Variants in STIM2 observed in about 807,000 individuals in gnomAD.
The protein encoded by STIM2 is stromal interaction molecule 2.
Under a neutral mutation model 85.8 loss-of-function variants are expected in STIM2, and 31 were observed. The observed-to-expected ratio is 0.36, with a 90% CI of 0.27 to 0.49. The LOEUF (loss-of-function observed/expected upper bound fraction) is 0.49. Among genes scored for constraint, STIM2 ranks in the 20% least tolerant of loss-of-function variants. STIM2 has a pLI of 0.98. For synonymous variants in STIM2, 356 were observed against 331.1 expected, an observed-to-expected ratio of 1.08 and a Z score of -0.82; for missense variants, 841 against 927.6, an observed-to-expected ratio of 0.91 and a Z score of 1.21.
At chr4:26,961,029 T>A (rs1272806948) in intron 3 of STIM2, among the ~76,000 whole-genome samples, 2 of 148,238 alleles carry the variant, frequency 1.3e-5, no homozygotes, top group Non-Finnish European at 3.0e-5. Flanking sequence ...AAAAAAAAAA[T>A]ACTTGTACCG....
chr4:27,000,351 C>T (rs1035990415), intron 5 of STIM2, among the ~76,000 whole-genome samples: 12 of 152,156 alleles, frequency 7.9e-5, no homozygotes, highest in African/African-American at 2.9e-4. Flanking sequence ...GTGGAAATTA[C>T]AAACCCTAGG....
chr4:26,906,962 G>A (rs564138206), intron 1 of STIM2, among the ~76,000 whole-genome samples: 16 of 95,394 alleles, frequency 1.7e-4, no homozygotes, highest in Admixed American at 2.1e-4. Flanking sequence ...GTGAGACTCC[G>A]TCTCAAAAAA....
At chr4:26,931,818 T>C (rs1725215975) in intron 2 of STIM2, among the ~76,000 whole-genome samples, 1 of 152,216 alleles carries the variant, frequency 6.6e-6, no homozygotes, top group Admixed American at 6.5e-5. Context: ...AACGATACCA[T>C]AAAAATAGAG....
chr4:26,949,228 CTGAA>C (rs1725956575), intron 2 of STIM2, among the ~76,000 whole-genome samples: 1 of 152,016 alleles, frequency 6.6e-6, no homozygotes, highest in African/African-American at 2.4e-5. Flanking sequence ...GAGTTATTCT[CTGAA>C]TGCTGAGTGC....
At chr4:27,006,781 A>G (rs1022672114) in intron 7 of STIM2, among the ~76,000 whole-genome samples, 3 of 152,196 alleles carry the variant, frequency 2.0e-5, no homozygotes, top group African/African-American at 4.8e-5. Flanking sequence ...AAGACTATGC[A>G]TAGTTTCTCA....
chr4:26,892,218 T>A (rs1723518049), intron 1 of STIM2, among the ~76,000 whole-genome samples: 1 of 152,164 alleles, frequency 6.6e-6, no homozygotes, highest in African/African-American at 2.4e-5. Context: ...AACGAATACA[T>A]CAGGCTTTAA....
chr4:26,923,662 A>G (rs1413271211), intron 2 of STIM2, among the ~76,000 whole-genome samples: 1 of 99,774 alleles, frequency 1.0e-5, no homozygotes, highest in African/African-American at 3.9e-5. Flanking sequence ...ACAGGATCAA[A>G]TTCACACATA....
intron 1 of STIM2, chr4:26,861,787 G>GC (rs1722214168): frequency 6.6e-6 from 1 of 152,664 alleles, no homozygotes; most frequent in Non-Finnish European, 1.4e-5. Flanking sequence ...TTTTGCAAAG[G>GC]CAGCTGGCAG....
chr4:26,908,464 G>A (rs576963902), intron 1 of STIM2, among the ~76,000 whole-genome samples: 21 of 152,126 alleles, frequency 1.4e-4, no homozygotes, highest in Non-Finnish European at 2.5e-4. Context: ...ATCAAGTAAA[G>A]CACCCAGTCA....
At chr4:26,877,481 G>A (rs1164173631) in intron 1 of STIM2, among the ~76,000 whole-genome samples, 1 of 146,446 alleles carries the variant, frequency 6.8e-6, no homozygotes, top group Non-Finnish European at 1.5e-5. Flanking sequence ...TCTCTGTTTG[G>A]TTCTGTTGTT....
chr4:26,903,602 A>G (rs1181706963), intron 1 of STIM2, among the ~76,000 whole-genome samples: 1 of 152,204 alleles, frequency 6.6e-6, no homozygotes, highest in Non-Finnish European at 1.5e-5. Context: ...TATATAACTT[A>G]TAATAAATAA....
chr4:26,884,279 A>G (rs2109038803), intron 1 of STIM2, among the ~76,000 whole-genome samples: 1 of 152,352 alleles, frequency 6.6e-6, no homozygotes, highest in African/African-American at 2.4e-5. Context: ...AGGCCATTTT[A>G]GTCAGGGTGA....
intron 11 of STIM2, among the ~76,000 whole-genome samples, chr4:27,018,215 A>G (rs559975273): frequency 4.3e-4 from 66 of 152,250 alleles, no homozygotes; most frequent in African/African-American, 1.6e-3. Context: ...GGCTAAAATC[A>G]TGGTGTTGGC....
intron 3 of STIM2, among the ~76,000 whole-genome samples, chr4:26,977,056 A>G (rs1727228747): frequency 6.6e-6 from 1 of 152,222 alleles, no homozygotes; most frequent in African/African-American, 2.4e-5. Context: ...AACAAGGGCT[A>G]GTTAGATAAT....
At chr4:26,906,745 A>C (rs1724141197) in intron 1 of STIM2, among the ~76,000 whole-genome samples, 1 of 152,056 alleles carries the variant, frequency 6.6e-6, no homozygotes, top group African/African-American at 2.4e-5. Flanking sequence ...TTAAAGGCAC[A>C]CTGAATGTAA....
intron 3 of STIM2, among the ~76,000 whole-genome samples, chr4:26,981,182 C>G (rs370520088): frequency 6.6e-6 from 1 of 152,176 alleles, no homozygotes; most frequent in Admixed American, 6.5e-5. Flanking sequence ...AACTTGATCT[C>G]TCTGTCCCTA....
chr4:27,019,184 CTT>C (rs1397945450), intron 11 of STIM2, among the ~76,000 whole-genome samples: 2 of 152,112 alleles, frequency 1.3e-5, no homozygotes, highest in East Asian at 3.9e-4. Context: ...GGTCTACACT[CTT>C]TATCATGTGA....
chr4:26,932,324 T>C (rs1398044429), intron 2 of STIM2, among the ~76,000 whole-genome samples: 1 of 152,212 alleles, frequency 6.6e-6, no homozygotes, highest in Non-Finnish European at 1.5e-5. Flanking sequence ...TAATACAAAC[T>C]GTCTCTTAAG....
intron 3 of STIM2, among the ~76,000 whole-genome samples, chr4:26,981,931 A>G (rs969863518): frequency 6.6e-6 from 1 of 150,654 alleles, no homozygotes; most frequent in Non-Finnish European, 1.5e-5. Context: ...TTCCATAACT[A>G]TAAAGGTATT....
Sources: allele counts gnomAD v4.1 joint callset (sites outside exome capture counted in the v4.1 genomes callset), GRCh38; gene constraint gnomAD v4.1.1; transcripts MANE v1.5; gene names NCBI Gene and HGNC (gene_info 2026-07-23, HGNC 2026-07-21).